ANK3: variants seen among roughly 807,000 people sequenced by gnomAD.
The protein encoded by ANK3 is ankyrin-3.
Under a neutral mutation model 370.9 loss-of-function variants are expected in ANK3, and 57 were observed. The ratio of observed to expected loss-of-function variants is 0.15; its 90% CI spans 0.12 to 0.19. The LOEUF is 0.19. Ranked by LOEUF, ANK3 falls within the 10% of genes least tolerant of loss-of-function variation. ANK3 has a pLI of 1.00. For missense variants in ANK3, 4,439 were observed against 5,302.1 expected (o/e 0.84, Z 5.06); for synonymous variants, 1,929 against 1,946.3 (o/e 0.99, Z 0.23).
intron 18 of ANK3, 39 bp downstream of exon 18, chr10:60,181,290 G>A (rs376616198): frequency 7.1e-5 from 110 of 1,555,478 alleles, no homozygotes; most frequent in Non-Finnish European, 9.5e-5. Context: ...TCACCAAATG[G>A]ACACATTCTT....
chr10:60,602,529 A>G (rs1041432597), intron 2 of ANK3, among the ~76,000 whole-genome samples: 1 of 152,170 alleles, frequency 6.6e-6, no homozygotes, highest in East Asian at 1.9e-4. Flanking sequence ...TGAAAAGGGT[A>G]TATCATAACC....
At chr10:60,294,134 T>C (rs1233684515) in intron 1 of ANK3, among the ~76,000 whole-genome samples, 2 of 152,062 alleles carry the variant, frequency 1.3e-5, no homozygotes, top group Admixed American at 6.5e-5. Flanking sequence ...AGAAAGTATT[T>C]GAATAGATGA....
chr10:60,149,799 C>T (rs2095017636), intron 23 of ANK3, among the ~76,000 whole-genome samples: 1 of 152,198 alleles, frequency 6.6e-6, no homozygotes, highest in Non-Finnish European at 1.5e-5. Context: ...ACCTCCGCCT[C>T]CTGGGTTCAA....
chr10:60,556,548 C>A (rs1192622655), intron 2 of ANK3, among the ~76,000 whole-genome samples: 1 of 152,172 alleles, frequency 6.6e-6, no homozygotes, highest in East Asian at 1.9e-4. Flanking sequence ...CTATTTGCAG[C>A]AGAACAGTGT....
rs1332644956 is a variant in ANK3, at chr10:60,076,312, G to T, written c.4569C>A (p.Ser1523=). The T allele has an allele frequency of 3.1e-6, 5 of 1,613,994 alleles. No individual in the cohort carries two copies. In the African/African-American group the frequency reaches 6.7e-5, roughly 22 times the overall value. The change falls in exon 37 of 44, where the codon TCC becomes TCA. Residue 1523 remains serine, a synonymous_variant. Coordinates refer to ENST00000280772, the MANE Select transcript of ANK3 (RefSeq NM_020987.5). ...VPGPAKSGFT[S]LSSSSSNTPS... is the part of the protein sequence containing the mutation. ...GCGTATTAGAGGAAGAACTTGATAA[G>T]GAAGTGAAGCCTGACTTGGCTGGCC... is the stretch of plus-strand genomic sequence containing the variant.
rs560052707 is a variant in ANK3 at position 60,461,527 on chromosome 10, T to C, written c.96+153659A>G. On this transcript the variant is annotated intron_variant, in intron 2 of 43. Transcript: ENST00000373827. ...AAGACGGCCAGGGTGGGCCCAATAA[T>C]GCATTTGTTTAAATTGAATCTGTAT... Among the ~76,000 whole-genome samples, 50 of 152,154 alleles carry C rather than the reference T, an allele frequency of 3.3e-4. 1 individual carries two copies. Among genetic ancestry groups the C allele is most frequent in the Non-Finnish European group, 5.7e-4 (39 of 68,020 alleles).
rs148663052 is a variant in ANK3 at position 60,092,331 on chromosome 10, C to G, written c.3329-3973G>C. Reference sequence around the variant, plus strand: ...TGTCCCTTCACTATTAACATTTCTGCCTCCTTTATCAGATACGTGAGGCTG... The same window carrying G: ...TGTCCCTTCACTATTAACATTTCTGGCTCCTTTATCAGATACGTGAGGCTG... On this transcript the variant is annotated intron_variant, in intron 28 of 43. Coordinates refer to ENST00000280772, the MANE Select transcript of ANK3 (RefSeq NM_020987.5). 5.9e-5 allele frequency among the ~76,000 whole-genome samples: 9 copies of G among 152,222 alleles called. 1 individual carries two copies. The highest frequency in any genetic ancestry group is 2.2e-4 in the African/African-American group (9 of 41,510).
chr10:60,127,444 T>C (rs1031014172), intron 25 of ANK3, among the ~76,000 whole-genome samples: 1 of 152,162 alleles, frequency 6.6e-6, no homozygotes, highest in African/African-American at 2.4e-5. Context: ...CATCGATAAG[T>C]GACTTATGCT....
intron 1 of ANK3, among the ~76,000 whole-genome samples, chr10:60,358,218 A>G (rs1044772972): frequency 6.6e-6 from 1 of 152,020 alleles, no homozygotes; most frequent in Non-Finnish European, 1.5e-5. Context: ...AAAATGCTCC[A>G]ATATATTGTT....
chr10:60,415,302 C>T (rs12764333), intron 2 of ANK3, among the ~76,000 whole-genome samples: 58,510 of 152,040 alleles, frequency 0.38, 11,751 homozygotes, highest in Middle Eastern at 0.5. Flanking sequence ...ATGAGCAGAC[C>T]AGCCTGTGTT....
At chr10:60,079,306 G>T (rs1169790398) in intron 36 of ANK3, among the ~76,000 whole-genome samples, 1 of 151,668 alleles carries the variant, frequency 6.6e-6, no homozygotes, top group African/African-American at 2.4e-5. Flanking sequence ...TCTGCTAGAG[G>T]AGAACAGAGA....
At position 60,226,500 on chromosome 10, in the gene ANK3, AGTATATATACATAGTATATATAC is replaced by A. The variant is rs1565820394; in HGVS notation, c.897+8165_897+8187del. On this transcript the variant is annotated intron_variant, in intron 8 of 43. Transcript: ENST00000280772. ...TATACTATATATATACATATACTAT[AGTATATATACATAGTATATATAC>A]TATAGTATATATACATAGTATATAT... Among the ~76,000 whole-genome samples, 144 of 82,788 alleles carry A rather than the reference AGTATATATACATAGTATATATAC, an allele frequency of 1.7e-3. 1 individual carries two copies. Among genetic ancestry groups the A allele is most frequent in the African/African-American group, 9.3e-3 (140 of 15,130 alleles). The allele number at this position is 82,788 out of a possible 152,430, so 54.3% of individuals were successfully genotyped here. A position where few individuals can be genotyped will look rare whatever the true frequency, so the allele number is the denominator to read the frequency against.
intron 1 of ANK3, among the ~76,000 whole-genome samples, chr10:60,367,502 T>C (rs1269501166): frequency 6.6e-6 from 1 of 152,246 alleles, no homozygotes; most frequent in Non-Finnish European, 1.5e-5. Flanking sequence ...CTTTCACTTT[T>C]ACATGCCTTG....
intron 8 of ANK3, 37 bp from the exon 9 acceptor site, chr10:60,213,547 C>T: frequency 6.9e-7 from 1 of 1,449,642 alleles, no homozygotes; most frequent in Non-Finnish European, 9.6e-7. Context: ...TTAAATTTGA[C>T]AATAAATTCT....
intron 2 of ANK3, among the ~76,000 whole-genome samples, chr10:60,509,842 C>A (rs2076035816): frequency 6.6e-6 from 1 of 152,028 alleles, no homozygotes; most frequent in African/African-American, 2.4e-5. Context: ...ACTAAAGTTT[C>A]TTTAAGGATT....
At chr10:60,390,653 C>T (rs1303230027), upstream of ANK3, among the ~76,000 whole-genome samples, 1 of 151,608 alleles carries the variant, frequency 6.6e-6, no homozygotes, top group Non-Finnish European at 1.5e-5. Context: ...ACACAGTATT[C>T]ACAGTAAGCG....
At chr10:60,415,801 G>C (rs1487918558) in intron 2 of ANK3, among the ~76,000 whole-genome samples, 1 of 151,822 alleles carries the variant, frequency 6.6e-6, no homozygotes, top group African/African-American at 2.4e-5. Context: ...ATTTTAATGG[G>C]CAATAGGTGC....
chr10:60,583,516 TTG>T (rs1363930211), intron 2 of ANK3, among the ~76,000 whole-genome samples: 4 of 123,674 alleles, frequency 3.2e-5, no homozygotes, highest in Non-Finnish European at 5.3e-5. Context: ...TTTTTGTTTT[TTG>T]TTTTTTGTTT....
chr10:60,622,738 G>A (rs535962227), intron 1 of ANK3, among the ~76,000 whole-genome samples: 14 of 152,266 alleles, frequency 9.2e-5, no homozygotes, highest in African/African-American at 3.1e-4. Context: ...TGGCAGGGAA[G>A]AAAATGGGCT....
Sources: allele counts gnomAD v4.1 joint callset (sites outside exome capture counted in the v4.1 genomes callset), GRCh38; gene constraint gnomAD v4.1.1; transcripts MANE v1.5; gene names NCBI Gene and HGNC (gene_info 2026-07-23, HGNC 2026-07-21).